ZBTB7C: variants seen among roughly 807,000 people sequenced by gnomAD.
The protein encoded by ZBTB7C is zinc finger and BTB domain-containing protein 7C.
Under a neutral mutation model 25.7 loss-of-function variants are expected in ZBTB7C, and 8 were observed. The ratio of observed to expected loss-of-function variants is 0.31; its 90% CI spans 0.18 to 0.56. The LOEUF (loss-of-function observed/expected upper bound fraction) is 0.56. ZBTB7C is among the 20% of genes least tolerant of loss of function. The probability of loss-of-function intolerance (pLI) is 0.91; values close to 1 mark genes in which losing one functional copy is unlikely to be tolerated. For missense variants in ZBTB7C, 824 were observed against 855.2 expected (o/e 0.96, Z 0.46); for synonymous variants, 394 against 369.0 (o/e 1.07, Z -0.78).
chr18:48,304,387 T>C (rs1221865737), intron 2 of ZBTB7C, among the ~76,000 whole-genome samples: 1 of 152,180 alleles, frequency 6.6e-6, no homozygotes, highest in Non-Finnish European at 1.5e-5. Context: ...TAAAAAAAGA[T>C]AGCCTTGGCC....
At chr18:48,281,378 A>G (rs1470167366) in intron 2 of ZBTB7C, among the ~76,000 whole-genome samples, 1 of 152,168 alleles carries the variant, frequency 6.6e-6, no homozygotes, top group Non-Finnish European at 1.5e-5. Flanking sequence ...CCTAGGCATT[A>G]CCATTCAGGA....
At chr18:48,265,884 CATT>C (rs1339873046) in intron 2 of ZBTB7C, among the ~76,000 whole-genome samples, 4 of 152,182 alleles carry the variant, frequency 2.6e-5, no homozygotes, top group Non-Finnish European at 4.4e-5. Flanking sequence ...AAAACGACAT[CATT>C]GAGACACTTG....
rs2040134837 is a variant in ZBTB7C at position 48,135,813 on chromosome 18, C to T, written c.-17+50121G>A. 2.0e-5 allele frequency among the ~76,000 whole-genome samples: 3 copies of T among 152,344 alleles called. No homozygotes were observed. In the South Asian group the frequency reaches 6.2e-4, roughly 32 times the overall value. On this transcript the variant is annotated intron_variant, in intron 3 of 4. Transcript: ENST00000590800. ...AACTGCTCGATTGTTTCAATCACTTCCTTTCTATTTTCAAAATTCCGCATT... is the reference window on the plus strand; with the variant it reads ...AACTGCTCGATTGTTTCAATCACTTTCTTTCTATTTTCAAAATTCCGCATT...
At chr18:48,121,399 CT>C (rs11322551) in intron 3 of ZBTB7C, among the ~76,000 whole-genome samples, 91,724 of 148,744 alleles carry the variant, frequency 0.62, 28,081 homozygotes, top group South Asian at 0.71. Flanking sequence ...GCTTAATACT[CT>C]TTTTTTTTTT....
At chr18:48,187,630 G>C (rs557087172) in intron 2 of ZBTB7C, among the ~76,000 whole-genome samples, 1 of 151,986 alleles carries the variant, frequency 6.6e-6, no homozygotes, top group African/African-American at 2.4e-5. Context: ...TGGCTAACAC[G>C]GTGAAACCCC....
intron 3 of ZBTB7C, among the ~76,000 whole-genome samples, chr18:48,135,205 A>AC (rs1352572649): frequency 6.6e-6 from 1 of 152,202 alleles, no homozygotes; most frequent in Non-Finnish European, 1.5e-5. Context: ...TATGCCCAGC[A>AC]CTTAGCATGG....
chr18:48,244,760 A>C lies in ZBTB7C; in HGVS notation c.-78-58765T>G, dbSNP rs182704779. On this transcript the variant is annotated intron_variant, in intron 2 of 4. Coordinates refer to ENST00000590800, the MANE Select transcript of ZBTB7C (RefSeq NM_001318841.2). ...GCAATACCACCTTACTCCTACAAGA[A>C]GGGCCATAATTTAAAAAATCAAAAA... is the stretch of plus-strand genomic sequence containing the variant. Among the ~76,000 whole-genome samples, 5 of 152,252 alleles carry C rather than the reference A, an allele frequency of 3.3e-5. No homozygotes were observed. The East Asian group carries it at 9.7e-4, about 29-fold the overall frequency.
At chr18:48,032,315 C>T (rs564366126) in intron 4 of ZBTB7C, among the ~76,000 whole-genome samples, 2 of 150,984 alleles carry the variant, frequency 1.3e-5, no homozygotes, top group Non-Finnish European at 2.9e-5. Context: ...CGGGCCTTCA[C>T]CATGTTGGTC....
chr18:48,298,245 A>T (rs2045450318), intron 2 of ZBTB7C, among the ~76,000 whole-genome samples: 1 of 149,288 alleles, frequency 6.7e-6, no homozygotes, highest in Admixed American at 6.8e-5. Flanking sequence ...GAGCCACTGC[A>T]CTCTAGCCTG....
intron 3 of ZBTB7C, among the ~76,000 whole-genome samples, chr18:48,128,416 G>A (rs1241378221): frequency 6.6e-6 from 1 of 152,216 alleles, no homozygotes; most frequent in African/African-American, 2.4e-5. Flanking sequence ...AGAAATGTCT[G>A]CTGGCCGGTT....
At chr18:48,198,777 G>A (rs968511508) in intron 2 of ZBTB7C, among the ~76,000 whole-genome samples, 6 of 152,138 alleles carry the variant, frequency 3.9e-5, no homozygotes, top group South Asian at 2.1e-4. Context: ...CCCTTCTGCC[G>A]TGTAACCTAA....
intron 1 of ZBTB7C, among the ~76,000 whole-genome samples, chr18:48,389,178 A>G (rs2047819166): frequency 7.2e-6 from 1 of 138,182 alleles, no homozygotes; most frequent in Non-Finnish European, 1.5e-5. Context: ...AGTGATGTTC[A>G]GAGCCCTTTA....
chr18:48,359,060 C>T (rs2047042534), intron 1 of ZBTB7C, among the ~76,000 whole-genome samples: 5 of 152,106 alleles, frequency 3.3e-5, no homozygotes, highest in African/African-American at 1.2e-4. Context: ...GATGCTCTGA[C>T]CTGGAAGTGA....
At chr18:48,232,809 A>G (rs2043288139) in intron 2 of ZBTB7C, among the ~76,000 whole-genome samples, 2 of 152,258 alleles carry the variant, frequency 1.3e-5, no homozygotes, top group South Asian at 2.1e-4. Flanking sequence ...ATTTGCATAC[A>G]TCTCATAAGT....
intron 2 of ZBTB7C, among the ~76,000 whole-genome samples, chr18:48,284,791 CAAAAAAA>C (rs61132755): frequency 1.1e-5 from 1 of 93,084 alleles, no homozygotes; most frequent in Non-Finnish European, 2.2e-5. Flanking sequence ...ACTCGGTCTC[CAAAAAAA>C]AAAAAAAAAA....
intron 2 of ZBTB7C, among the ~76,000 whole-genome samples, chr18:48,308,180 T>G (rs2045722979): frequency 6.6e-6 from 1 of 152,056 alleles, no homozygotes; most frequent in African/African-American, 2.4e-5. Context: ...CACACAAGAT[T>G]AGGTATGTAC....
Position 48,040,718 on chromosome 18 carries a change from C to T in ZBTB7C, c.390G>A (p.Gly130=), listed in dbSNP as rs879749414. Residue 130 remains glycine, a synonymous_variant, in exon 4 of 5, where the codon GGG becomes GGA. Transcript: ENST00000590800. Reference sequence around the variant, plus strand: ...TGTCATCCTCCTCCCCCCCGTCCCCCCCAGGCTCCATGATCTCCAGGCACA... The same window carrying T: ...TGTCATCCTCCTCCCCCCCGTCCCCTCCAGGCTCCATGATCTCCAGGCACA... The part of the protein sequence containing the change: ...VNVCLEIMEP[G]GDGGEEDDKE... The T allele has an allele frequency of 3.1e-6, 5 of 1,614,032 alleles. No individual in the cohort carries two copies. The highest frequency in any genetic ancestry group is 1.1e-5 in the South Asian group (1 of 91,056).
chr18:48,408,159 G>T (rs1193528444), intron 1 of ZBTB7C, among the ~76,000 whole-genome samples: 2 of 152,142 alleles, frequency 1.3e-5, no homozygotes, highest in Non-Finnish European at 2.9e-5. Context: ...GCTCCCCTCG[G>T]CCTTGCGCCC....
At chr18:48,168,110 C>T (rs1325933291) in intron 3 of ZBTB7C, among the ~76,000 whole-genome samples, 1 of 152,232 alleles carries the variant, frequency 6.6e-6, no homozygotes, top group Non-Finnish European at 1.5e-5. Flanking sequence ...TCTTATCAGG[C>T]TCCAACCTAT....
Sources: allele counts gnomAD v4.1 joint callset (sites outside exome capture counted in the v4.1 genomes callset), GRCh38; gene constraint gnomAD v4.1.1; transcripts MANE v1.5; gene names NCBI Gene and HGNC (gene_info 2026-07-23, HGNC 2026-07-21).